TRAF4: variants seen among roughly 807,000 people sequenced by gnomAD.
TRAF4 encodes TNF receptor associated factor 4.
A neutral mutation model predicts 47.3 loss-of-function variants in TRAF4; 9 were observed. That is an observed-to-expected ratio of 0.19 (90% confidence interval 0.11 to 0.33). The LOEUF is 0.33. TRAF4 is among the 10% of genes least tolerant of loss of function. The pLI, the probability that TRAF4 is intolerant of heterozygous loss-of-function variation, is 1.00. For synonymous variants in TRAF4, 236 were observed against 236.9 expected (o/e 1.00, Z 0.04); for missense variants, 448 against 620.3 (o/e 0.72, Z 2.95).
rs2034577830 is a variant in TRAF4 at position 28,749,927 on chromosome 17, G to A, written c.*350G>A. ...GAGCCATAAGGGGGTGGGAATTGGG[G>A]AGGGAGAAAGGGTAGTTCAAAGAGT... is the stretch of plus-strand genomic sequence containing the variant. On this transcript the variant is annotated 3_prime_UTR_variant, in exon 7 of 7. Transcript: ENST00000262395. 1 of 698,364 alleles carries A rather than the reference G, an allele frequency of 1.4e-6. No individual in the cohort carries two copies. Among genetic ancestry groups the A allele is most frequent in the Non-Finnish European group, 2.6e-6 (1 of 383,020 alleles). The allele number at this position is 698,364 out of a possible 1,614,324, so 43.3% of individuals were successfully genotyped here.
rs1190737794 is a variant in TRAF4, at chr17:28,750,003, GTTAT to G, written c.*433_*436del. On this transcript the variant is annotated 3_prime_UTR_variant, in exon 7 of 7. Transcript: ENST00000262395. ...CCTTTACCTAGCTGTGCCCCCTCTG[GTTAT>G]TTATTTCCTTAGTGCCAGGAGGGCA... The G allele has an allele frequency of 1.4e-5, 9 of 624,672 alleles. No individual in the cohort carries two copies. Among genetic ancestry groups the G allele is most frequent in the African/African-American group, 3.6e-5 (2 of 55,030 alleles). The allele number at this position is 624,672 out of a possible 1,614,324, so 38.7% of individuals were successfully genotyped here.
At chr17:28,745,820 C>T (rs1272014592) in intron 1 of TRAF4, among the ~76,000 whole-genome samples, 2 of 152,140 alleles carry the variant, frequency 1.3e-5, no homozygotes, top group Non-Finnish European at 2.9e-5. Context: ...GGGCCCCAAG[C>T]TGCAGGCTAA....
At position 28,749,548 on chromosome 17, in the gene TRAF4, G is replaced by A. The variant is rs1019147464; in HGVS notation, c.1384G>A (p.Val462Ile). ...TGATGCAGTCTTCATCCGTGCTGCTGTTGAACTGCCCCGGAAGATCCTCAG... is the reference window on the plus strand; with the variant it reads ...TGATGCAGTCTTCATCCGTGCTGCTATTGAACTGCCCCGGAAGATCCTCAG... ...RDDAVFIRAA[V>I]ELPRKILS The change falls in exon 7 of 7, where the codon GTT becomes ATT. Residue 462 changes from valine (V) to isoleucine (I), a missense_variant. Transcript: ENST00000262395. 6.2e-7 allele frequency: 1 copy of A among 1,613,432 alleles called. No individual in the cohort carries two copies. The highest frequency in any genetic ancestry group is 1.1e-5 in the South Asian group (1 of 91,044).
Position 28,748,137 on chromosome 17 carries a change from T to A in TRAF4, c.421T>A (p.Cys141Ser), listed in dbSNP as rs1222386577. The part of the protein sequence containing the change: ...QHDCPKRRLK[C>S]EFCGCDFSGE... Reference sequence around the variant, plus strand: ...TGACTGCCCCAAGCGGCGCCTCAAGTGCGAGTTTTGTGGCTGTGACTTCAG... The same window carrying A: ...TGACTGCCCCAAGCGGCGCCTCAAGAGCGAGTTTTGTGGCTGTGACTTCAG... The change falls in exon 4 of 7, where the codon TGC becomes AGC. Residue 141 changes from cysteine to serine, a missense_variant. Coordinates refer to ENST00000262395, the MANE Select transcript of TRAF4 (RefSeq NM_004295.4). The A allele has an allele frequency of 6.2e-7, 1 of 1,613,850 alleles. No individual in the cohort carries two copies. The highest frequency in any genetic ancestry group is 8.5e-7 in the Non-Finnish European group (1 of 1,180,030).
rs141662072 is a variant in TRAF4 at position 28,749,334 on chromosome 17, G to T, written c.1170G>T (p.Leu390=). 13 of 1,614,036 alleles carry T rather than the reference G, an allele frequency of 8.1e-6. No individual in the cohort carries two copies. In the African/African-American group the frequency reaches 1.2e-4, roughly 15 times the overall value. ...TTGCCCGCCGTGTCACCTTCTCCCT[G>T]CTGGATCAGAGCGACCCTGGGCTGG... The part of the protein sequence containing the change: ...WPFARRVTFS[L]LDQSDPGLAK... Residue 390 remains leucine (L), a synonymous_variant, in exon 7 of 7, where the codon CTG becomes CTT. Transcript: ENST00000262395.
chr17:28,744,302 G>A, intron 1 of TRAF4, 47 bp downstream of exon 1: 1 of 1,441,722 alleles, frequency 6.9e-7, no homozygotes, highest in Non-Finnish European at 9.3e-7. Flanking sequence ...CGGGGCGGGG[G>A]GCGCCGCCTG....
chr17:28,748,598 C>T lies in TRAF4; in HGVS notation c.712C>T (p.His238Tyr). The T allele has an allele frequency of 6.2e-7, 1 of 1,613,310 alleles. No individual in the cohort carries two copies. The highest frequency in any genetic ancestry group is 8.5e-7 in the Non-Finnish European group (1 of 1,179,982). ...TGTGGCTCGGGAGGACCTGCCAGGC[C>T]ATCTGAAGGACAGCTGTAACACCGC... ...GTVAREDLPG[H>Y]LKDSCNTALV... is the part of the protein sequence containing the mutation. The change falls in exon 6 of 7, where the codon CAT becomes TAT. Residue 238 changes from histidine to tyrosine, a missense_variant. Transcript: ENST00000262395.
Position 28,749,973 on chromosome 17 carries a change from TTC to T in TRAF4, c.*397_*398del. 1 of 666,260 alleles carries T rather than the reference TTC, an allele frequency of 1.5e-6. No homozygotes were observed. Among genetic ancestry groups the T allele is most frequent in the Admixed American group, 2.1e-5 (1 of 47,986 alleles). 41.3% of individuals were successfully genotyped at this position (666,260 alleles called of 1,614,324 possible). On this transcript the variant is annotated 3_prime_UTR_variant, in exon 7 of 7. Coordinates refer to ENST00000262395, the MANE Select transcript of TRAF4 (RefSeq NM_004295.4). ...AGAGTCTGTCTTGAGATCTGATTTT[TTC>T]CCCCTTTACCTAGCTGTGCCCCCTC...
Position 28,747,226 on chromosome 17 carries a change from A to C in TRAF4, c.157A>C (p.Lys53Gln). The part of the protein sequence containing the change: ...LQEFLSEGVF[K>Q]CPEDQLPLDY... The stretch of plus-strand genomic sequence containing the variant: ...CCCCCATTTCAGTGAAGGAGTCTTC[A>C]AGTGCCCTGAGGACCAGCTTCCTCT... The change falls in exon 2 of 7, where the codon AAG (lysine) becomes CAG (glutamine). Residue 53 changes from lysine to glutamine, a missense_variant. Transcript: ENST00000262395. The C allele has an allele frequency of 6.2e-7, 1 of 1,613,830 alleles. No homozygotes were observed. Among genetic ancestry groups the C allele is most frequent in the Non-Finnish European group, 8.5e-7 (1 of 1,179,868 alleles).
chr17:28,749,560 C>T lies in TRAF4; in HGVS notation c.1396C>T (p.Arg466Trp), dbSNP rs569302687. Residue 466 changes from arginine (R) to tryptophan (W), a missense_variant, in exon 7 of 7, where the codon CGG becomes TGG. Coordinates refer to ENST00000262395, the MANE Select transcript of TRAF4 (RefSeq NM_004295.4). ...CATCCGTGCTGCTGTTGAACTGCCC[C>T]GGAAGATCCTCAGCTGAGTGCAGGT... ...VFIRAAVELP[R>W]KILS The T allele has an allele frequency of 1.5e-5, 24 of 1,612,158 alleles. No individual in the cohort carries two copies. The highest frequency in any genetic ancestry group is 4.5e-5 in the East Asian group (2 of 44,888).
chr17:28,747,738 C>A, intron 2 of TRAF4, 105 bp from the exon 3 acceptor site: 1 of 1,068,304 alleles, frequency 9.4e-7, no homozygotes, highest in Non-Finnish European at 1.4e-6. Flanking sequence ...CCAAGAGAGG[C>A]TATTACAGGC....
chr17:28,747,873 G>GCC lies in TRAF4; in HGVS notation c.226_227insCC (p.Val76AlafsTer29). 1 of 1,613,924 alleles carries GCC rather than the reference G, an allele frequency of 6.2e-7. No homozygotes were observed. Among genetic ancestry groups the GCC allele is most frequent in the Non-Finnish European group, 8.5e-7 (1 of 1,179,992 alleles). On this transcript the variant is annotated frameshift_variant, in exon 3 of 7. Transcript: ENST00000262395. LOFTEE classifies it high-confidence loss of function. ...CCCAGACCCGGAGCTGGAAGTACAA[G>GCC]TATTGGGCCTGCCTATCCGCTGCAT...
In TRAF4 at chr17:28,749,013, C is replaced by T; in HGVS notation, c.849C>T (p.Ala283=). ...AGCCACATCTGGCCATGATGTGTGCCCTGGTGAGCCGGCAACGGCAGGAGC... is the reference window on the plus strand; with the variant it reads ...AGCCACATCTGGCCATGATGTGTGCTCTGGTGAGCCGGCAACGGCAGGAGC... ...SVKPHLAMMC[A]LVSRQRQELQ... The change falls in exon 7 of 7, where the codon GCC becomes GCT. Residue 283 remains alanine, a synonymous_variant. Transcript: ENST00000262395. 1 of 1,613,768 alleles carries T rather than the reference C, an allele frequency of 6.2e-7. No homozygotes were observed. The highest frequency in any genetic ancestry group is 8.5e-7 in the Non-Finnish European group (1 of 1,180,038).
In TRAF4 at chr17:28,744,602, C is replaced by T. The variant is rs925545999; in HGVS notation, c.143+347C>T. On this transcript the variant is annotated intron_variant, in intron 1 of 6. Transcript: ENST00000262395. ...TGGGGGAAGAGGACAAAACCCGCTC[C>T]CGCGTGGCAGTTTGAGCCTCCGGAG... The T allele has an allele frequency of 1.7e-5, 4 of 241,804 alleles. No individual in the cohort carries two copies. In the South Asian group the frequency reaches 1.9e-4, roughly 11 times the overall value. The allele number at this position is 241,804 out of a possible 1,614,324, so 15.0% of individuals were successfully genotyped here. A position where few individuals can be genotyped will look rare whatever the true frequency, so the allele number is the denominator to read the frequency against.
chr17:28,747,406 C>A, intron 2 of TRAF4, 142 bp downstream of exon 2: 1 of 1,008,924 alleles, frequency 9.9e-7, no homozygotes, highest in Non-Finnish European at 1.4e-6. Context: ...CCTGTTCCCT[C>A]CCACCAGGCC....
chr17:28,750,133 C>G lies in TRAF4; in HGVS notation c.*556C>G, dbSNP rs925158385. 7.9e-6 allele frequency: 4 copies of G among 504,678 alleles called. No homozygotes were observed. Among genetic ancestry groups the G allele is most frequent in the African/African-American group, 7.8e-5 (4 of 51,022 alleles). The allele number at this position is 504,678 out of a possible 1,614,324, so 31.3% of individuals were successfully genotyped here. On this transcript the variant is annotated 3_prime_UTR_variant, in exon 7 of 7. Transcript: ENST00000262395. Reference sequence around the variant, plus strand: ...TGGTTAGGTCCCTGGGAGGCTCAACCAAACTGAAGGCAAAGAAAGGACCAG... The same window carrying G: ...TGGTTAGGTCCCTGGGAGGCTCAACGAAACTGAAGGCAAAGAAAGGACCAG...
Position 28,744,222 on chromosome 17 carries a change from G to A in TRAF4, c.110G>A (p.Arg37His). 1 of 1,486,122 alleles carries A rather than the reference G, an allele frequency of 6.7e-7. No homozygotes were observed. Among genetic ancestry groups the A allele is most frequent in the Non-Finnish European group, 9.0e-7 (1 of 1,109,538 alleles). 92.1% of individuals were successfully genotyped at this position (1,486,122 alleles called of 1,614,324 possible). A position where few individuals can be genotyped will look rare whatever the true frequency, so the allele number is the denominator to read the frequency against. The part of the protein sequence containing the change: ...EPVQVSTCGH[R>H]FCDTCLQEFL... ...GTGCAGGTTTCCACCTGCGGCCACC[G>A]TTTCTGCGATACCTGCCTGCAGGAG... The change falls in exon 1 of 7, where the codon CGT becomes CAT. Residue 37 changes from arginine to histidine, a missense_variant. Transcript: ENST00000262395.
At position 28,749,094 on chromosome 17, in the gene TRAF4, C is replaced by T. The variant is rs2034562054; in HGVS notation, c.930C>T (p.Leu310=). The T allele has an allele frequency of 8.1e-6, 13 of 1,614,138 alleles. No individual in the cohort carries two copies. In the Middle Eastern group the frequency reaches 9.9e-4, roughly 123 times the overall value. Residue 310 remains leucine, a synonymous_variant, in exon 7 of 7, where the codon CTC becomes CTT. Coordinates refer to ENST00000262395, the MANE Select transcript of TRAF4 (RefSeq NM_004295.4). ...EELSVGSDGV[L]IWKIGSYGRR... is the part of the protein sequence containing the mutation. ...TATCAGTGGGCAGTGATGGCGTGCTCATCTGGAAGATTGGCAGCTATGGAC... is the reference window on the plus strand; with the variant it reads ...TATCAGTGGGCAGTGATGGCGTGCTTATCTGGAAGATTGGCAGCTATGGAC...
At position 28,749,722 on chromosome 17, in the gene TRAF4, C is replaced by T. The variant is rs551738684; in HGVS notation, c.*145C>T. 3.0e-6 allele frequency: 4 copies of T among 1,355,104 alleles called. No individual in the cohort carries two copies. Among genetic ancestry groups the T allele is most frequent in the Middle Eastern group, 1.8e-4 (1 of 5,562 alleles). The allele number at this position is 1,355,104 out of a possible 1,614,324, so 83.9% of individuals were successfully genotyped here. On this transcript the variant is annotated 3_prime_UTR_variant, in exon 7 of 7. Coordinates refer to ENST00000262395, the MANE Select transcript of TRAF4 (RefSeq NM_004295.4). ...CATCCTCCCTCCCCCAGCCACCACCCTCAGGTGCCTCCAATTGGTGCTTCA... is the reference window on the plus strand; with the variant it reads ...CATCCTCCCTCCCCCAGCCACCACCTTCAGGTGCCTCCAATTGGTGCTTCA...
Sources: gnomAD v4.1 joint callset for allele counts (sites outside exome capture counted in the v4.1 genomes callset) on GRCh38, gnomAD v4.1.1 for gene constraint, MANE v1.5 for transcripts, NCBI Gene and HGNC (gene_info 2026-07-23, HGNC 2026-07-21) for gene names.